Variants in GABRB3 observed in about 807,000 individuals in gnomAD.
The protein encoded by GABRB3 is gamma-aminobutyric acid type A receptor subunit beta3, also known as gamma-aminobutyric acid receptor subunit beta-3.
A neutral mutation model predicts 52.1 loss-of-function variants in GABRB3; 14 were observed. The ratio of observed to expected loss-of-function variants is 0.27; its 90% CI spans 0.18 to 0.42. The LOEUF is 0.42. Ranked by LOEUF, GABRB3 falls within the 10% of genes least tolerant of loss-of-function variation. The probability of loss-of-function intolerance (pLI) is 1.00; values close to 1 mark genes in which losing one functional copy is unlikely to be tolerated. For synonymous variants in GABRB3, 260 were observed against 232.3 expected, an observed-to-expected ratio of 1.12 and a Z score of -1.08; for missense variants, 307 against 609.1, an observed-to-expected ratio of 0.50 and a Z score of 5.22.
intron 3 of GABRB3, among the ~76,000 whole-genome samples, chr15:26,722,776 T>C (rs1363603012): frequency 6.6e-6 from 1 of 152,176 alleles, no homozygotes; most frequent in Non-Finnish European, 1.5e-5. Flanking sequence ...TTTCTGTTCC[T>C]TCAGATGTGA....
intron 3 of GABRB3, among the ~76,000 whole-genome samples, chr15:26,629,396 G>A (rs1892845373): frequency 6.6e-6 from 1 of 152,198 alleles, no homozygotes; most frequent in East Asian, 1.9e-4. Context: ...GGGAGGGTGG[G>A]CCTGATTAGA....
chr15:26,694,092 AC>A lies in GABRB3; in HGVS notation c.241-72559del, dbSNP rs549558042. ...AGTAACATATGTAACAGCCTGGGCAACATATAAAAATTAAAAAATTTTTATA... is the reference window on the plus strand; with the variant it reads ...AGTAACATATGTAACAGCCTGGGCAAATATAAAAATTAAAAAATTTTTATA... On this transcript the variant is annotated intron_variant, in intron 3 of 8. Coordinates refer to ENST00000311550, the MANE Select transcript of GABRB3 (RefSeq NM_000814.6). 1.6e-4 allele frequency among the ~76,000 whole-genome samples: 25 copies of A among 152,308 alleles called. No homozygotes were observed. In the East Asian group the frequency reaches 4.6e-3, roughly 28 times the overall value.
At chr15:26,657,142 G>T (rs577956723) in intron 3 of GABRB3, 1 of 152,174 alleles carries the variant, frequency 6.6e-6, no homozygotes, top group East Asian at 1.9e-4. Context: ...AGTTTCTTAT[G>T]AGCAGATGAC....
Position 26,547,437 on chromosome 15 carries a change from A to G in GABRB3, c.*356T>C, listed in dbSNP as rs1456939474. The G allele has an allele frequency of 2.2e-6, 1 of 454,534 alleles. No homozygotes were observed. The highest frequency in any genetic ancestry group is 3.8e-5 in the Admixed American group (1 of 26,316). The allele number at this position is 454,534 out of a possible 1,614,324, so 28.2% of individuals were successfully genotyped here. A position where few individuals can be genotyped will look rare whatever the true frequency, so the allele number is the denominator to read the frequency against. ...TGTTTCACGCCCTCATTCTCAAGGC[A>G]TAATATTTAGATGATACTTGTCCCT... On this transcript the variant is annotated 3_prime_UTR_variant, in exon 9 of 9. Coordinates refer to ENST00000311550, the MANE Select transcript of GABRB3 (RefSeq NM_000814.6).
intron 3 of GABRB3, among the ~76,000 whole-genome samples, chr15:26,690,324 C>T (rs1334428465): frequency 1.3e-5 from 2 of 151,966 alleles, no homozygotes; most frequent in Non-Finnish European, 2.9e-5. Context: ...AGTGACCCTC[C>T]CACCTAGGCC....
chr15:26,735,535 G>A (rs1457788033), intron 3 of GABRB3, among the ~76,000 whole-genome samples: 2 of 152,168 alleles, frequency 1.3e-5, no homozygotes, highest in African/African-American at 4.8e-5. Flanking sequence ...ATCCACAGAT[G>A]AGTGGATAAA....
intron 3 of GABRB3, among the ~76,000 whole-genome samples, chr15:26,693,493 G>C (rs1189624109): frequency 6.6e-6 from 1 of 152,186 alleles, no homozygotes; most frequent in East Asian, 1.9e-4. Context: ...CACCACATGA[G>C]AGCTACACTT....
intron 6 of GABRB3, among the ~76,000 whole-genome samples, chr15:26,574,706 G>C (rs1249471862): frequency 1.3e-5 from 2 of 152,148 alleles, no homozygotes; most frequent in African/African-American, 4.8e-5. Context: ...CATAGAAGGA[G>C]AAACTAGATT....
At chr15:26,595,323 A>T (rs973324306) in intron 4 of GABRB3, among the ~76,000 whole-genome samples, 1 of 152,132 alleles carries the variant, frequency 6.6e-6, no homozygotes, top group African/African-American at 2.4e-5. Flanking sequence ...TGCAAATAAG[A>T]TCTGCTCTGC....
At chr15:26,651,666 T>A (rs921107837) in intron 3 of GABRB3, among the ~76,000 whole-genome samples, 1 of 152,142 alleles carries the variant, frequency 6.6e-6, no homozygotes, top group Non-Finnish European at 1.5e-5. Flanking sequence ...AAAATACATA[T>A]CTAAGGCACT....
At chr15:26,713,987 G>A (rs1889387821) in intron 3 of GABRB3, among the ~76,000 whole-genome samples, 1 of 152,204 alleles carries the variant, frequency 6.6e-6, no homozygotes, top group African/African-American at 2.4e-5. Context: ...GCGGGGCTGA[G>A]GTGACCACTC....
intron 3 of GABRB3, among the ~76,000 whole-genome samples, chr15:26,637,072 T>G (rs1313520241): frequency 6.6e-6 from 1 of 152,216 alleles, no homozygotes; most frequent in African/African-American, 2.4e-5. Flanking sequence ...AGTGGCTCCC[T>G]GCCTAAGTAA....
At chr15:26,746,777 G>A (rs1484229203) in intron 3 of GABRB3, among the ~76,000 whole-genome samples, 1 of 152,062 alleles carries the variant, frequency 6.6e-6, no homozygotes, top group African/African-American at 2.4e-5. Context: ...CACGAGGTCA[G>A]GAGATCGAGA....
chr15:26,752,485 G>A (rs1227570965), intron 3 of GABRB3, among the ~76,000 whole-genome samples: 1 of 151,878 alleles, frequency 6.6e-6, no homozygotes, highest in Non-Finnish European at 1.5e-5. Flanking sequence ...GGATGGTCTC[G>A]ATCTCCTGAC....
chr15:26,635,518 C>CA (rs11452826), intron 3 of GABRB3, among the ~76,000 whole-genome samples: 8,637 of 147,658 alleles, frequency 0.058, 385 homozygotes, highest in African/African-American at 0.12. Context: ...GCAGACAAGG[C>CA]AAAAAAAAAA....
intron 5 of GABRB3, 170 bp from the exon 6 acceptor site, chr15:26,580,626 C>T: frequency 1.2e-6 from 1 of 843,740 alleles, no homozygotes; most frequent in Non-Finnish European, 1.9e-6. Flanking sequence ...CCAATATTCT[C>T]ATGTTACTGC....
intron 3 of GABRB3, among the ~76,000 whole-genome samples, chr15:26,753,098 C>A (rs1890561098): frequency 6.6e-6 from 1 of 152,328 alleles, no homozygotes; most frequent in Non-Finnish European, 1.5e-5. Context: ...AACTCCCTAA[C>A]TTCTGAGCTA....
chr15:26,661,902 G>C (rs1480481060), intron 3 of GABRB3, among the ~76,000 whole-genome samples: 3 of 152,070 alleles, frequency 2.0e-5, no homozygotes, highest in Admixed American at 2.0e-4. Flanking sequence ...TGGTTGTTAT[G>C]TCTGACGTGT....
chr15:26,583,547 T>C (rs769231048), intron 4 of GABRB3, 133 bp from the exon 5 acceptor site: 2 of 685,654 alleles, frequency 2.9e-6, no homozygotes, highest in Non-Finnish European at 5.3e-6. Flanking sequence ...TCATTCACTA[T>C]ATATAGAGAG....
Sources: allele counts gnomAD v4.1 joint callset (sites outside exome capture counted in the v4.1 genomes callset), GRCh38; gene constraint gnomAD v4.1.1; transcripts MANE v1.5; gene names NCBI Gene and HGNC (gene_info 2026-07-23, HGNC 2026-07-21).